SLC25A33: variants seen among roughly 807,000 people sequenced by gnomAD.
The protein encoded by SLC25A33 is bone marrow stromal cell mitochondrial carrier protein.
In SLC25A33, 15 loss-of-function variants were observed where a neutral mutation model predicts 35.5. The observed-to-expected ratio is 0.42, with a 90% CI of 0.28 to 0.65. SLC25A33 has a LOEUF of 0.65. Among genes scored for constraint, SLC25A33 ranks in the 30% least tolerant of loss-of-function variants. SLC25A33 has a pLI of 0.20. For synonymous variants in SLC25A33, 136 were observed against 148.7 expected (o/e 0.91, Z 0.62); for missense variants, 257 against 398.5 (o/e 0.64, Z 3.02).
intron 1 of SLC25A33, among the ~76,000 whole-genome samples, chr1:9,550,011 A>ATATATATATTTTTTTT: frequency 1.6e-4 from 8 of 48,864 alleles, no homozygotes; most frequent in African/African-American, 5.5e-4. Context: ...ATATATATAT[A>ATATATATATTTTTTTT]TTTTTTTTTT....
chr1:9,559,283 G>T (rs1440614391), intron 2 of SLC25A33, among the ~76,000 whole-genome samples: 1 of 152,098 alleles, frequency 6.6e-6, no homozygotes, highest in Non-Finnish European at 1.5e-5. Context: ...TTCTTTGGAG[G>T]TAGTGACTTT....
intron 2 of SLC25A33, among the ~76,000 whole-genome samples, chr1:9,562,546 T>G (rs553130344): frequency 9.9e-5 from 15 of 152,072 alleles, no homozygotes; most frequent in African/African-American, 3.6e-4. Flanking sequence ...CTGCATAATA[T>G]TTTTATGTAA....
intron 1 of SLC25A33, among the ~76,000 whole-genome samples, chr1:9,548,754 A>G (rs1019549632): frequency 6.6e-6 from 1 of 152,118 alleles, no homozygotes; most frequent in Non-Finnish European, 1.5e-5. Flanking sequence ...TCCATTTTCC[A>G]ACTATGTGAG....
At chr1:9,573,725 T>C (rs549829808) in intron 5 of SLC25A33, among the ~76,000 whole-genome samples, 1 of 152,216 alleles carries the variant, frequency 6.6e-6, no homozygotes, top group East Asian at 1.9e-4. Flanking sequence ...CCAGTTGAAG[T>C]GCTGTGGGTT....
At chr1:9,566,198 C>T (rs1270246165) in intron 2 of SLC25A33, among the ~76,000 whole-genome samples, 2 of 152,006 alleles carry the variant, frequency 1.3e-5, no homozygotes, top group African/African-American at 4.8e-5. Flanking sequence ...ACCACCACAC[C>T]TGGCTAATAT....
intron 2 of SLC25A33, among the ~76,000 whole-genome samples, chr1:9,566,069 T>A (rs1643498542): frequency 6.6e-6 from 1 of 152,012 alleles, no homozygotes; most frequent in Non-Finnish European, 1.5e-5. Flanking sequence ...ACAAGGGGTC[T>A]CTTTCTGTCG....
intron 4 of SLC25A33, among the ~76,000 whole-genome samples, chr1:9,570,702 GTTT>G (rs35547370): frequency 1.4e-4 from 14 of 100,054 alleles, no homozygotes; most frequent in African/African-American, 5.2e-4. Context: ...GATAGATATA[GTTT>G]TTTTTTTTTT....
intron 2 of SLC25A33, among the ~76,000 whole-genome samples, chr1:9,562,908 T>G (rs1301858753): frequency 6.7e-6 from 1 of 148,936 alleles, no homozygotes; most frequent in African/African-American, 2.5e-5. Flanking sequence ...TACTACTTTT[T>G]AAAATAATAG....
At chr1:9,565,115 T>C (rs1314541872) in intron 2 of SLC25A33, among the ~76,000 whole-genome samples, 2 of 152,096 alleles carry the variant, frequency 1.3e-5, no homozygotes, top group Non-Finnish European at 2.9e-5. Flanking sequence ...GCTAGGGAGC[T>C]GGTGCTTAAT....
intron 1 of SLC25A33, among the ~76,000 whole-genome samples, chr1:9,553,203 G>GTTTTTTTTTTTTTTTTTTTTTTTTTGT (rs550067186): frequency 7.1e-5 from 4 of 56,486 alleles, no homozygotes; most frequent in Admixed American, 2.7e-4. Flanking sequence ...TTCTAGTTTT[G>GTTTTTTTTTTTTTTTTTTTTTTTTTGT]TTTTTTTTTT....
At chr1:9,568,553 G>GA (rs1188462255) in intron 3 of SLC25A33, among the ~76,000 whole-genome samples, 1 of 151,650 alleles carries the variant, frequency 6.6e-6, no homozygotes, top group African/African-American at 2.4e-5. Flanking sequence ...CAAGAGACTT[G>GA]AAAGAAAATG....
intron 2 of SLC25A33, among the ~76,000 whole-genome samples, chr1:9,566,356 G>C (rs1405934935): frequency 6.6e-6 from 1 of 152,112 alleles, no homozygotes; most frequent in Non-Finnish European, 1.5e-5. Context: ...TTATATCCCT[G>C]TATAAGATTC....
chr1:9,580,861 A>AT (rs1326215302), intron 6 of SLC25A33, among the ~76,000 whole-genome samples: 26 of 125,304 alleles, frequency 2.1e-4, no homozygotes, highest in East Asian at 1.4e-3. Context: ...TCTCAAAAAA[A>AT]AAAAAATAAT....
At chr1:9,575,212 C>CAA (rs909942057) in intron 5 of SLC25A33, among the ~76,000 whole-genome samples, 631 of 58,342 alleles carry the variant, frequency 0.011, 19 homozygotes, top group Admixed American at 0.065. Context: ...GACTCTGGCT[C>CAA]AAAAAAAAAA....
intron 2 of SLC25A33, among the ~76,000 whole-genome samples, chr1:9,564,660 G>A (rs1249434901): frequency 6.7e-6 from 1 of 150,298 alleles, no homozygotes; most frequent in Non-Finnish European, 1.5e-5. Flanking sequence ...GCCAAGGTGG[G>A]TGGATCACTT....
chr1:9,558,976 C>T (rs112990657), intron 2 of SLC25A33, among the ~76,000 whole-genome samples: 206 of 152,272 alleles, frequency 1.4e-3, no homozygotes, highest in African/African-American at 4.8e-3. Context: ...TCTGACTTTT[C>T]ATCTCCTATT....
chr1:9,562,646 G>A (rs1404738458), intron 2 of SLC25A33, among the ~76,000 whole-genome samples: 1 of 151,970 alleles, frequency 6.6e-6, no homozygotes, highest in East Asian at 1.9e-4. Context: ...CTTGAGGTAG[G>A]GAGTTCGAAA....
intron 2 of SLC25A33, among the ~76,000 whole-genome samples, chr1:9,566,033 C>CT (rs903264873): frequency 1.5e-4 from 22 of 151,328 alleles, no homozygotes; most frequent in Non-Finnish European, 2.4e-4. Flanking sequence ...CCCCCGCCAA[C>CT]TTTTTTTTTG....
chr1:9,556,687 G>C (rs1234688503), intron 2 of SLC25A33, among the ~76,000 whole-genome samples: 3 of 151,786 alleles, frequency 2.0e-5, no homozygotes, highest in Non-Finnish European at 2.9e-5. Flanking sequence ...GTGTCTGTGT[G>C]TGTGTGTGTG....
Sources: gnomAD v4.1 joint callset for allele counts (sites outside exome capture counted in the v4.1 genomes callset) on GRCh38, gnomAD v4.1.1 for gene constraint, MANE v1.5 for transcripts, NCBI Gene and HGNC (gene_info 2026-07-23, HGNC 2026-07-21) for gene names.